The following FUT8 variants were observed in gnomAD, a reference collection of about 807,000 sequenced individuals.
The protein encoded by FUT8 is fucosyltransferase 8, also known as alpha-(1,6)-fucosyltransferase.
FUT8 carries 29 observed loss-of-function variants against 71.3 expected under a neutral mutation model. The observed-to-expected ratio is 0.41, with a 90% CI of 0.30 to 0.55. The LOEUF is 0.55. Among genes scored for constraint, FUT8 ranks in the 20% least tolerant of loss-of-function variants. The pLI is 0.34. For missense variants in FUT8, 544 were observed against 702.1 expected, an observed-to-expected ratio of 0.77 and a Z score of 2.55; for synonymous variants, 254 against 239.3, an observed-to-expected ratio of 1.06 and a Z score of -0.57.
chr14:65,485,916 C>T (rs1347133936), intron 2 of FUT8, among the ~76,000 whole-genome samples: 2 of 152,134 alleles, frequency 1.3e-5, no homozygotes, highest in African/African-American at 4.8e-5. Context: ...TCTCTAGAAT[C>T]GCTGTTCTTT....
Position 65,669,171 on chromosome 14 carries a change from T to TA in FUT8, c.598-60dup, listed in dbSNP as rs376073861. 0.055 allele frequency: 46,847 copies of TA among 853,152 alleles called. 1 individual carries two copies. The highest frequency in any genetic ancestry group is 0.063 in the Middle Eastern group (149 of 2,378). 52.8% of individuals were successfully genotyped at this position (853,152 alleles called of 1,614,324 possible). A position where few individuals can be genotyped will look rare whatever the true frequency, so the allele number is the denominator to read the frequency against. ...ATGTGTACCCCTGAAGATGAAAGAT[T>TA]AAAAAAAAAAAAGAGCAGTTGACCT... On this transcript the variant is annotated intron_variant, in intron 6 of 10. Coordinates refer to ENST00000673929, the MANE Select transcript of FUT8 (RefSeq NM_001371533.1). This position sits in a 1 kb window ranked among gnomAD's most constrained non-coding sequence, Gnocchi z 4.5.
At chr14:65,506,333 C>T (rs2066733312) in intron 2 of FUT8, among the ~76,000 whole-genome samples, 1 of 152,100 alleles carries the variant, frequency 6.6e-6, no homozygotes, top group Admixed American at 6.5e-5. Context: ...AGCTGTATTT[C>T]TTGCTATAAA....
In FUT8 at chr14:65,669,464, C is replaced by T; in HGVS notation, c.819C>T (p.Ser273=). 6.2e-7 allele frequency: 1 copy of T among 1,611,638 alleles called. No individual in the cohort carries two copies. Among genetic ancestry groups the T allele is most frequent in the Non-Finnish European group, 8.5e-7 (1 of 1,177,964 alleles). The part of the protein sequence containing the change: ...SETCTDRSGI[S]TGHWSGEVKD... ...CATGCACAGACAGATCTGGCATCTC[C>T]ACTGGACACTGGTCAGGTAAGGAGC... The change falls in exon 7 of 11, where the codon TCC becomes TCT. Residue 273 remains serine (S), a synonymous_variant. Transcript: ENST00000673929. The surrounding 1 kb of genome is among the most constrained non-coding windows in gnomAD (Gnocchi z 4.5).
Position 65,685,558 on chromosome 14 carries a change from T to A in FUT8, c.835+16078T>A, listed in dbSNP as rs137968032. Among the ~76,000 whole-genome samples the A allele has an allele frequency of 5.2e-3, 788 of 152,226 alleles. 9 individuals are homozygous for A. Among genetic ancestry groups the A allele is most frequent in the African/African-American group, 0.018 (740 of 41,528 alleles). On this transcript the variant is annotated intron_variant, in intron 7 of 10. Coordinates refer to ENST00000673929, the MANE Select transcript of FUT8 (RefSeq NM_001371533.1). ...TCCATAGAGTAAAGTGAAAGCAAGT[T>A]TATTAGTAAAGTAAAGGAATAAAGA...
chr14:65,731,544 C>T (rs1239803004), intron 9 of FUT8, among the ~76,000 whole-genome samples: 1 of 152,106 alleles, frequency 6.6e-6, no homozygotes, highest in Non-Finnish European at 1.5e-5. Flanking sequence ...CCATTATTTA[C>T]TTTGTTTTGT....
upstream of FUT8, chr14:65,411,768 A>G (rs867357078): frequency 1.4e-4 from 45 of 332,756 alleles, no homozygotes; most frequent in South Asian, 9.5e-4. Flanking sequence ...AGAGTTTGGA[A>G]CGGGAAGCTC....
At chr14:65,364,880 CCA>C in the FUT8 span, among the ~76,000 whole-genome samples, 1 of 152,132 alleles carries the variant, frequency 6.6e-6, no homozygotes, top group Non-Finnish European at 1.5e-5. Flanking sequence ...CATTCCTGGG[CCA>C]CACTGGATTG....
intron 1 of FUT8, among the ~76,000 whole-genome samples, chr14:65,439,795 G>A (rs2065614116): frequency 6.6e-6 from 1 of 151,674 alleles, no homozygotes; most frequent in Admixed American, 6.6e-5. Context: ...CATCACGTAA[G>A]TGCTGAGCAC....
intron 2 of FUT8, among the ~76,000 whole-genome samples, chr14:65,501,509 C>G (rs1262901510): frequency 6.6e-6 from 1 of 152,156 alleles, no homozygotes; most frequent in Non-Finnish European, 1.5e-5. Flanking sequence ...ACTGCTACTG[C>G]TGGGGTGGAG....
intron 3 of FUT8, among the ~76,000 whole-genome samples, chr14:65,599,329 C>A (rs141040133): frequency 6.6e-6 from 1 of 152,194 alleles, no homozygotes; most frequent in African/African-American, 2.4e-5. Context: ...CCCCATCTCC[C>A]TATACTTCTA....
chr14:65,439,954 G>GTGTACATATATATATATATATA lies in FUT8; in HGVS notation c.-325-15666_-325-15665insGTACATATATATATATATATAT. Among the ~76,000 whole-genome samples, 45 of 74,974 alleles carry GTGTACATATATATATATATATA rather than the reference G, an allele frequency of 6.0e-4. 1 individual carries two copies. The highest frequency in any genetic ancestry group is 1.8e-3 in the South Asian group (3 of 1,688). 49.2% of individuals were successfully genotyped at this position (74,974 alleles called of 152,430 possible). On this transcript the variant is annotated intron_variant, in intron 1 of 10. Coordinates refer to ENST00000673929, the MANE Select transcript of FUT8 (RefSeq NM_001371533.1). ...ATAAAGAAAATGTGTGTGTGTGTGT[G>GTGTACATATATATATATATATA]TATATATATATATATATATATATAT...
intron 2 of FUT8, among the ~76,000 whole-genome samples, chr14:65,459,712 C>T (rs965340919): frequency 3.9e-5 from 6 of 151,934 alleles, no homozygotes; most frequent in East Asian, 3.9e-4. Flanking sequence ...TAAAAAAAGG[C>T]GTTAAGGTCC....
At chr14:65,575,973 G>T (rs1428701743) in intron 3 of FUT8, among the ~76,000 whole-genome samples, 1 of 152,060 alleles carries the variant, frequency 6.6e-6, no homozygotes, top group African/African-American at 2.4e-5. Flanking sequence ...AATACAAATG[G>T]AATTAGTCAA....
intron 6 of FUT8, among the ~76,000 whole-genome samples, chr14:65,645,660 G>A (rs1428719285): frequency 6.6e-6 from 1 of 152,108 alleles, no homozygotes; most frequent in African/African-American, 2.4e-5. Context: ...AGGAAAAAAT[G>A]GTTCATATAA....
chr14:65,459,154 A>G (rs1566760545), intron 2 of FUT8, among the ~76,000 whole-genome samples: 1 of 152,146 alleles, frequency 6.6e-6, no homozygotes, highest in Non-Finnish European at 1.5e-5. Context: ...GCTATTTCTG[A>G]AAGAGAATAG....
At chr14:65,625,842 A>T (rs1889869712) in intron 5 of FUT8, among the ~76,000 whole-genome samples, 2 of 152,218 alleles carry the variant, frequency 1.3e-5, no homozygotes, top group Non-Finnish European at 2.9e-5. Flanking sequence ...ATTCTCTGTT[A>T]ATCATGTGTA....
intron 7 of FUT8, among the ~76,000 whole-genome samples, chr14:65,703,386 C>A (rs1043379173): frequency 1.3e-5 from 2 of 152,178 alleles, no homozygotes; most frequent in Non-Finnish European, 2.9e-5. Flanking sequence ...TGGATATCCC[C>A]TCTTCTTCCC....
chr14:65,428,394 A>G (rs2065420368), intron 1 of FUT8, among the ~76,000 whole-genome samples: 1 of 152,152 alleles, frequency 6.6e-6, no homozygotes, highest in Non-Finnish European at 1.5e-5. Context: ...CAGGAATGGG[A>G]TTAGTGTCTT....
chr14:65,386,671 G>T, the FUT8 span, among the ~76,000 whole-genome samples: 1 of 151,554 alleles, frequency 6.6e-6, no homozygotes, highest in Non-Finnish European at 1.5e-5. Context: ...TTTATTACCT[G>T]TATCATATCT....
Sources: gnomAD v4.1 joint callset for allele counts (sites outside exome capture counted in the v4.1 genomes callset) on GRCh38, gnomAD v4.1.1 for gene constraint, Gnocchi (gnomAD v3.1) non-coding constraint, MANE v1.5 for transcripts, NCBI Gene and HGNC (gene_info 2026-07-23, HGNC 2026-07-21) for gene names.